The following NAALADL2 variants were observed in gnomAD, a reference collection of about 807,000 sequenced individuals.
The protein encoded by NAALADL2 is inactive N-acetylated-alpha-linked acidic dipeptidase-like protein 2.
A neutral mutation model predicts 87.2 loss-of-function variants in NAALADL2; 76 were observed. The ratio of observed to expected loss-of-function variants is 0.87; its 90% CI spans 0.72 to 1.05. NAALADL2 has a LOEUF of 1.05. NAALADL2 is among the 50% of genes least tolerant of loss of function. The pLI, the probability that NAALADL2 is intolerant of heterozygous loss-of-function variation, is 0.00. For synonymous variants in NAALADL2, 354 were observed against 331.0 expected (o/e 1.07, Z -0.75); for missense variants, 1,089 against 945.8 (o/e 1.15, Z -1.99).
chr3:174,836,543 T>C (rs1723345248), intron 3 of NAALADL2, among the ~76,000 whole-genome samples: 1 of 151,794 alleles, frequency 6.6e-6, no homozygotes, highest in Non-Finnish European at 1.5e-5. Context: ...CTACTAAAAA[T>C]ACAACAACAA....
intron 4 of NAALADL2, among the ~76,000 whole-genome samples, chr3:175,274,879 C>G (rs1464384601): frequency 1.3e-5 from 2 of 152,010 alleles, no homozygotes; most frequent in Non-Finnish European, 1.5e-5. Flanking sequence ...TTATTCTTTT[C>G]CTGCTCTTGA....
At chr3:175,724,185 G>T (rs1200654242) in intron 11 of NAALADL2, among the ~76,000 whole-genome samples, 1 of 152,080 alleles carries the variant, frequency 6.6e-6, no homozygotes, top group African/African-American at 2.4e-5. Flanking sequence ...ATATCACGTG[G>T]TTTAACTGGT....
chr3:174,455,771 A>T (rs1315564186), intron 1 of NAALADL2, among the ~76,000 whole-genome samples: 1 of 152,214 alleles, frequency 6.6e-6, no homozygotes, highest in Non-Finnish European at 1.5e-5. Context: ...CATCATACTG[A>T]ATGAGCAAAA....
Position 175,016,369 on chromosome 3 carries a change from T to C in NAALADL2, c.44-80421T>C, listed in dbSNP as rs768120459. On this transcript the variant is annotated intron_variant, in intron 1 of 13. Transcript: ENST00000454872. ...TACAACATTACAACAGTAGCATATC[T>C]ATTGACAAGGAAAGATGCTTAGGAT... Among the ~76,000 whole-genome samples the C allele has an allele frequency of 7.1e-4, 107 of 151,020 alleles. 1 individual carries two copies. The highest frequency in any genetic ancestry group is 1.0e-3 in the Non-Finnish European group (70 of 67,678).
At chr3:174,512,752 T>C (rs1321594914) in intron 1 of NAALADL2, among the ~76,000 whole-genome samples, 1 of 152,080 alleles carries the variant, frequency 6.6e-6, no homozygotes, top group Non-Finnish European at 1.5e-5. Flanking sequence ...GGAGACTGCA[T>C]GGGGATTGAT....
chr3:174,779,256 T>C (rs1323660409), intron 3 of NAALADL2, among the ~76,000 whole-genome samples: 1 of 151,318 alleles, frequency 6.6e-6, no homozygotes, highest in African/African-American at 2.4e-5. Context: ...TTCATATGTT[T>C]GTTGGCTGCA....
chr3:175,261,017 G>T (rs1750934608), intron 4 of NAALADL2, among the ~76,000 whole-genome samples: 1 of 152,084 alleles, frequency 6.6e-6, no homozygotes, highest in Non-Finnish European at 1.5e-5. Flanking sequence ...ACATCTTGCT[G>T]CAGAAAAAGC....
At chr3:174,885,505 C>T (rs61349204) in intron 1 of NAALADL2, among the ~76,000 whole-genome samples, 3,904 of 152,208 alleles carry the variant, frequency 0.026, 147 homozygotes, top group African/African-American at 0.083. Context: ...TTGCCTCCCA[C>T]GAATGATGAA....
chr3:175,366,699 T>C (rs1260711361), intron 5 of NAALADL2, among the ~76,000 whole-genome samples: 2 of 151,060 alleles, frequency 1.3e-5, no homozygotes, highest in Non-Finnish European at 3.0e-5. Context: ...CACTTTTTGA[T>C]GGGGTTGTTT....
intron 1 of NAALADL2, among the ~76,000 whole-genome samples, chr3:175,009,700 A>G (rs1267793692): frequency 6.6e-6 from 1 of 152,076 alleles, no homozygotes; most frequent in East Asian, 1.9e-4. Flanking sequence ...AGATGAAGAC[A>G]TTGGACCCTC....
At chr3:175,132,387 G>A (rs1418313066) in intron 2 of NAALADL2, among the ~76,000 whole-genome samples, 1 of 83,922 alleles carries the variant, frequency 1.2e-5, no homozygotes, top group Non-Finnish European at 2.3e-5. Flanking sequence ...AGGGGCGGCC[G>A]GGCAGAGGCG....
chr3:174,770,800 C>T (rs1017224800), intron 3 of NAALADL2, among the ~76,000 whole-genome samples: 24 of 150,666 alleles, frequency 1.6e-4, no homozygotes, highest in African/African-American at 4.9e-4. Flanking sequence ...GATCGTGCCA[C>T]TACACTCCAT....
At chr3:175,016,524 T>G (rs1411585694) in intron 1 of NAALADL2, among the ~76,000 whole-genome samples, 1 of 151,310 alleles carries the variant, frequency 6.6e-6, no homozygotes, top group Non-Finnish European at 1.5e-5. Flanking sequence ...ATAAAAGTGG[T>G]TATCTCTGAG....
chr3:175,736,233 G>A (rs948592069), intron 11 of NAALADL2, among the ~76,000 whole-genome samples: 1 of 152,156 alleles, frequency 6.6e-6, no homozygotes, highest in African/African-American at 2.4e-5. Flanking sequence ...GGGGTCATGG[G>A]GGAATTATGT....
intron 1 of NAALADL2, among the ~76,000 whole-genome samples, chr3:175,036,930 A>G (rs540984967): frequency 6.6e-6 from 1 of 150,740 alleles, no homozygotes; most frequent in East Asian, 2.0e-4. Flanking sequence ...TCTGAATATG[A>G]TACAGTCACT....
At chr3:175,605,013 G>A (rs1203336042) in intron 10 of NAALADL2, among the ~76,000 whole-genome samples, 2 of 152,188 alleles carry the variant, frequency 1.3e-5, no homozygotes, top group Non-Finnish European at 2.9e-5. Context: ...CTGAGTTGGA[G>A]CTAAGTACAG....
rs190052731 is a variant in NAALADL2 at position 175,630,439 on chromosome 3, G to T, written c.1896+3053G>T. 5.3e-5 allele frequency among the ~76,000 whole-genome samples: 8 copies of T among 151,672 alleles called. No homozygotes were observed. The East Asian group carries it at 1.2e-3, about 22-fold the overall frequency. On this transcript the variant is annotated intron_variant, in intron 11 of 13. Coordinates refer to ENST00000454872, the MANE Select transcript of NAALADL2 (RefSeq NM_207015.3). The stretch of plus-strand genomic sequence containing the variant: ...TGATGTATACGTTTTCTCTAGAAAT[G>T]AAGTATGTATTTAATTAAGTATTAC...
At chr3:174,518,949 A>G (rs1720096246) in intron 1 of NAALADL2, among the ~76,000 whole-genome samples, 1 of 152,154 alleles carries the variant, frequency 6.6e-6, no homozygotes, top group Non-Finnish European at 1.5e-5. Context: ...CAATGATTTG[A>G]ATTATTCAGA....
chr3:175,324,093 C>T, intron 4 of NAALADL2, 82 bp from the exon 5 acceptor site: 1 of 904,928 alleles, frequency 1.1e-6, no homozygotes, highest in Non-Finnish European at 1.6e-6. Flanking sequence ...GTCATCTTAT[C>T]ATAGCCACAT....
Sources: allele counts gnomAD v4.1 joint callset (sites outside exome capture counted in the v4.1 genomes callset), GRCh38; gene constraint gnomAD v4.1.1; transcripts MANE v1.5; gene names NCBI Gene and HGNC (gene_info 2026-07-23, HGNC 2026-07-21).